The following DOT1L variants were observed in gnomAD, a reference collection of about 807,000 sequenced individuals.
DOT1L encodes the protein DOT1 like histone lysine methyltransferase.
DOT1L carries 33 observed loss-of-function variants against 153.3 expected under a neutral mutation model. The observed-to-expected ratio is 0.22, with a 90% CI of 0.16 to 0.29. The LOEUF (loss-of-function observed/expected upper bound fraction) is 0.29. DOT1L is among the 10% of genes least tolerant of loss of function. The pLI, the probability that DOT1L is intolerant of heterozygous loss-of-function variation, is 1.00. For synonymous variants in DOT1L, 1,135 were observed against 965.1 expected, an observed-to-expected ratio of 1.18 and a Z score of -3.26; for missense variants, 1,847 against 2,119.9, an observed-to-expected ratio of 0.87 and a Z score of 2.53.
Position 2,232,201 on chromosome 19 carries a change from G to T in DOT1L, c.*2409G>T. 1 of 222,632 alleles carries T rather than the reference G, an allele frequency of 4.5e-6. No individual in the cohort carries two copies. The highest frequency in any genetic ancestry group is 6.5e-5 in the East Asian group (1 of 15,352). 13.8% of individuals were successfully genotyped at this position (222,632 alleles called of 1,614,324 possible). A position where few individuals can be genotyped will look rare whatever the true frequency, so the allele number is the denominator to read the frequency against. On this transcript the variant is annotated 3_prime_UTR_variant, in exon 28 of 28. Coordinates refer to ENST00000398665, the MANE Select transcript of DOT1L (RefSeq NM_032482.3). ...GGCGCCTGGGAGTGGCTCTTGCTCAGGAATTGATAGGAACCCTAAAAACTA... is the reference window on the plus strand; with the variant it reads ...GGCGCCTGGGAGTGGCTCTTGCTCATGAATTGATAGGAACCCTAAAAACTA...
rs758514909 is a variant in DOT1L at position 2,216,298 on chromosome 19, A to T, written c.1941A>T (p.Leu647=). ...CLELQISIVE[L]EKSQRQQELL... ...TCCTGCAGATCAGCATTGTGGAGCT[A>T]GAGAAGAGCCAGCGGCAGCAGGAGC... Residue 647 remains leucine (L), a synonymous_variant, in exon 20 of 28, where the codon CTA becomes CTT. Transcript: ENST00000398665. 2 of 1,584,956 alleles carry T rather than the reference A, an allele frequency of 1.3e-6. No homozygotes were observed. Among genetic ancestry groups the T allele is most frequent in the Non-Finnish European group, 1.7e-6 (2 of 1,161,322 alleles).
At chr19:2,179,525 TG>T (rs2022125582) in intron 1 of DOT1L, among the ~76,000 whole-genome samples, 1 of 152,208 alleles carries the variant, frequency 6.6e-6, no homozygotes, top group African/African-American at 2.4e-5. Flanking sequence ...AGACATGGGC[TG>T]GCTGGGCACG....
intron 15 of DOT1L, 128 bp from the exon 16 acceptor site, chr19:2,211,623 C>T: frequency 1.3e-6 from 1 of 789,340 alleles, no homozygotes; most frequent in Non-Finnish European, 2.0e-6. Flanking sequence ...CCAGGCTCTG[C>T]TGAGCTCCTG....
At chr19:2,229,285 C>T (rs909453696) in intron 27 of DOT1L, 17 of 985,464 alleles carry the variant, frequency 1.7e-5, no homozygotes, top group Middle Eastern at 5.2e-4. Flanking sequence ...GCGTGCCTGG[C>T]GGCGTAGTGC....
rs978396352 is a variant in DOT1L, at chr19:2,191,943, G to A, written c.493+703G>A. ...TGGCCTGGCTGAAGCACAGATGAGC[G>A]GCCCGTACACGAACAGCCTCAGTAG... On this transcript the variant is annotated intron_variant, in intron 5 of 27. Coordinates refer to ENST00000398665, the MANE Select transcript of DOT1L (RefSeq NM_032482.3). This position sits in a 1 kb window ranked among gnomAD's most constrained non-coding sequence, Gnocchi z 6.8. Among the ~76,000 whole-genome samples, 1 of 152,192 alleles carries A rather than the reference G, an allele frequency of 6.6e-6. No homozygotes were observed. The highest frequency in any genetic ancestry group is 1.5e-5 in the Non-Finnish European group (1 of 68,022).
chr19:2,168,809 T>A (rs1439315948), intron 1 of DOT1L, among the ~76,000 whole-genome samples: 1 of 152,164 alleles, frequency 6.6e-6, no homozygotes, highest in Non-Finnish European at 1.5e-5. Context: ...AGCGACAGGT[T>A]TTCACTATGT....
intron 3 of DOT1L, among the ~76,000 whole-genome samples, chr19:2,188,494 C>CG (rs1491479536): frequency 3.1e-4 from 36 of 117,620 alleles, no homozygotes; most frequent in African/African-American, 1.3e-3. Flanking sequence ...CCCCCCCCCC[C>CG]ACCCGCACAG....
At chr19:2,172,507 CTTTT>C (rs879379617) in intron 1 of DOT1L, among the ~76,000 whole-genome samples, 1 of 140,080 alleles carries the variant, frequency 7.1e-6, no homozygotes, top group Middle Eastern at 3.9e-3. Flanking sequence ...TTCTTTCTTT[CTTTT>C]TTTTTTTTTG....
At chr19:2,228,132 G>C (rs2144949610) in intron 27 of DOT1L, 1 of 1,364,118 alleles carries the variant, frequency 7.3e-7, no homozygotes, top group African/African-American at 1.5e-5. Flanking sequence ...TCTGCCGCCT[G>C]CTAACGCCTC....
intron 27 of DOT1L, chr19:2,227,939 C>G (rs1363211791): frequency 8.3e-7 from 1 of 1,207,296 alleles, no homozygotes; most frequent in African/African-American, 1.6e-5. Flanking sequence ...CCCCGCTGCC[C>G]CCGCCTGCGC....
rs1188300147 is a variant in DOT1L, at chr19:2,226,929, C to A, written c.4408C>A (p.Pro1470Thr). 1.9e-6 allele frequency: 3 copies of A among 1,582,034 alleles called. No homozygotes were observed. Among genetic ancestry groups the A allele is most frequent in the Non-Finnish European group, 2.6e-6 (3 of 1,172,792 alleles). The change falls in exon 27 of 28, where the codon CCG becomes ACG. Residue 1470 changes from proline to threonine, a missense_variant. Coordinates refer to ENST00000398665, the MANE Select transcript of DOT1L (RefSeq NM_032482.3). The part of the protein sequence containing the change: ...THRSFLGPFP[P>T]GPQFALGPMS... ...CCGGTCCTTCCTGGGCCCCTTCCCG[C>A]CGGGACCGCAGTTCGCGCTCGGCCC... is the stretch of plus-strand genomic sequence containing the variant.
Position 2,216,563 on chromosome 19 carries a change from C to T in DOT1L, c.2206C>T (p.Pro736Ser), listed in dbSNP as rs778964553. The change falls in exon 20 of 28, where the codon CCC (proline) becomes TCC (serine). Residue 736 changes from proline to serine, a missense_variant. Transcript: ENST00000398665. ...CCGGCCTTCGTCGAAGCAGAACACG[C>T]CCCAGTACCTGGCCTCACCCCTGGA... is the stretch of plus-strand genomic sequence containing the variant. ...LSRPSSKQNT[P>S]QYLASPLDQE... 3 of 1,609,828 alleles carry T rather than the reference C, an allele frequency of 1.9e-6. No individual in the cohort carries two copies. The highest frequency in any genetic ancestry group is 2.2e-5 in the South Asian group (2 of 91,072).
intron 1 of DOT1L, among the ~76,000 whole-genome samples, chr19:2,172,213 G>A (rs1310912092): frequency 2.0e-5 from 3 of 149,682 alleles, no homozygotes; most frequent in African/African-American, 7.4e-5. Context: ...TTTTTGAGAC[G>A]GAGTCTCGCT....
intron 22 of DOT1L, among the ~76,000 whole-genome samples, chr19:2,218,472 C>T (rs796949574): frequency 6.6e-6 from 1 of 151,972 alleles, no homozygotes; most frequent in East Asian, 1.9e-4. Context: ...CGGCTCACTG[C>T]AAGCTCCACC....
intron 7 of DOT1L, among the ~76,000 whole-genome samples, chr19:2,196,466 G>A (rs1475279812): frequency 6.6e-6 from 1 of 152,186 alleles, no homozygotes; most frequent in Non-Finnish European, 1.5e-5. Context: ...CTGAGTAGCT[G>A]GAATTAAAGG....
At position 2,226,561 on chromosome 19, in the gene DOT1L, T is replaced by C; in HGVS notation, c.4040T>C (p.Leu1347Pro). The C allele has an allele frequency of 6.2e-7, 1 of 1,600,482 alleles. No homozygotes were observed. Among genetic ancestry groups the C allele is most frequent in the Non-Finnish European group, 8.5e-7 (1 of 1,178,946 alleles). Reference protein sequence around the residue: ...LPHKGPEAAGLSSPLSFPSQR... With the variant: ...LPHKGPEAAGPSSPLSFPSQR... ...CACAAGGGCCCCGAGGCGGCCGGCC[T>C]GAGCTCCCCGCTGAGCTTCCCCTCG... The change falls in exon 27 of 28, where the codon CTG becomes CCG. Residue 1347 changes from leucine to proline, a missense_variant. By Grantham distance (98) the Leu-to-Pro change is moderately conservative. This residue lies in a region of DOT1L where 934 missense variants were observed against 825.3 expected (regional missense o/e 1.13). Coordinates refer to ENST00000398665, the MANE Select transcript of DOT1L (RefSeq NM_032482.3).
At chr19:2,188,480 GCCCC>G (rs375314788) in intron 3 of DOT1L, among the ~76,000 whole-genome samples, 2 of 66,980 alleles carry the variant, frequency 3.0e-5, no homozygotes, top group Non-Finnish European at 2.9e-5. Context: ...CCCAGCCGCC[GCCCC>G]CCCCCCCCCC....
Position 2,226,547 on chromosome 19 carries a change from C to T in DOT1L, c.4026C>T (p.Pro1342=), listed in dbSNP as rs1214872792. 6 of 1,600,450 alleles carry T rather than the reference C, an allele frequency of 3.7e-6. No individual in the cohort carries two copies. Among genetic ancestry groups the T allele is most frequent in the East Asian group, 2.2e-5 (1 of 44,868 alleles). ...GTGCTTCTCTTCCCCACAAGGGCCC[C>T]GAGGCGGCCGGCCTGAGCTCCCCGC... ...SDGASLPHKG[P]EAAGLSSPLS... Residue 1342 remains proline (P), a synonymous_variant, in exon 27 of 28, where the codon CCC becomes CCT. Transcript: ENST00000398665.
chr19:2,213,356 G>A, intron 16 of DOT1L, 183 bp from the exon 17 acceptor site: 1 of 577,750 alleles, frequency 1.7e-6, no homozygotes, highest in Non-Finnish European at 3.0e-6. Flanking sequence ...ACCTGATGCA[G>A]AGCTGGTCCC....
Sources: allele counts gnomAD v4.1 joint callset (sites outside exome capture counted in the v4.1 genomes callset), GRCh38; gene constraint gnomAD v4.1.1; regional missense constraint gnomAD v4.1.1; non-coding constraint Gnocchi (gnomAD v3.1); transcripts MANE v1.5; gene names NCBI Gene and HGNC (gene_info 2026-07-23, HGNC 2026-07-21).